Variants in GRK5 observed in about 807,000 individuals in gnomAD.
GRK5 encodes g protein-coupled receptor kinase GRK5.
GRK5 carries 40 observed loss-of-function variants against 78.4 expected under a neutral mutation model. The ratio of observed to expected loss-of-function variants is 0.51; its 90% CI spans 0.40 to 0.66. The LOEUF (loss-of-function observed/expected upper bound fraction) is 0.66. GRK5 is among the 30% of genes least tolerant of loss of function. The probability of loss-of-function intolerance (pLI) is 0.00; values close to 1 mark genes in which losing one functional copy is unlikely to be tolerated. For missense variants in GRK5, 598 were observed against 759.9 expected, an observed-to-expected ratio of 0.79 and a Z score of 2.50; for synonymous variants, 289 against 296.8, an observed-to-expected ratio of 0.97 and a Z score of 0.27.
Position 119,453,407 on chromosome 10 carries a change from G to A in GRK5, c.1674+131G>A, listed in dbSNP as rs1181379788. The A allele has an allele frequency of 8.7e-6, 9 of 1,038,090 alleles. No individual in the cohort carries two copies. The East Asian group carries it at 1.7e-4, about 20-fold the overall frequency. 64.3% of individuals were successfully genotyped at this position (1,038,090 alleles called of 1,614,324 possible). A position where few individuals can be genotyped will look rare whatever the true frequency, so the allele number is the denominator to read the frequency against. On this transcript the variant is annotated intron_variant, in intron 15 of 15. Transcript: ENST00000392870. Reference sequence around the variant, plus strand: ...AGTCTGGGGCAGTAGCAGCTTGGAAGGGCAACTGATTATGTCCAAGGCCCC... The same window carrying A: ...AGTCTGGGGCAGTAGCAGCTTGGAAAGGCAACTGATTATGTCCAAGGCCCC...
chr10:119,231,659 A>T (rs1848830804), intron 1 of GRK5, among the ~76,000 whole-genome samples: 1 of 150,936 alleles, frequency 6.6e-6, no homozygotes, highest in African/African-American at 2.4e-5. Context: ...GTGAGCCGAG[A>T]TCGTGCCACC....
At chr10:119,334,417 G>T in intron 2 of GRK5, 1 of 153,670 alleles carries the variant, frequency 6.5e-6, no homozygotes. Context: ...AGGGCAGACA[G>T]ACCATGAGAG....
intron 2 of GRK5, among the ~76,000 whole-genome samples, chr10:119,371,170 A>G (rs994499123): frequency 2.0e-5 from 3 of 152,184 alleles, no homozygotes; most frequent in African/African-American, 7.2e-5. Context: ...AGCAGGTTTC[A>G]GTGGGGTGGA....
intron 1 of GRK5, among the ~76,000 whole-genome samples, chr10:119,309,021 G>A (rs1482978795): frequency 6.6e-6 from 1 of 152,258 alleles, no homozygotes; most frequent in Non-Finnish European, 1.5e-5. Flanking sequence ...GGCTGGGAGG[G>A]CTGGTGCCCA....
chr10:119,444,341 G>A (rs1853101370), intron 12 of GRK5, among the ~76,000 whole-genome samples: 1 of 152,178 alleles, frequency 6.6e-6, no homozygotes, highest in Admixed American at 6.5e-5. Flanking sequence ...GGGCCAGATG[G>A]GGGGACTGGA....
At chr10:119,311,450 C>T (rs972801318) in intron 1 of GRK5, among the ~76,000 whole-genome samples, 10 of 151,346 alleles carry the variant, frequency 6.6e-5, no homozygotes, top group African/African-American at 2.4e-4. Context: ...CAGAGGGGTC[C>T]TGAGATGGGG....
At chr10:119,403,748 C>T (rs936192327) in intron 4 of GRK5, among the ~76,000 whole-genome samples, 5 of 152,094 alleles carry the variant, frequency 3.3e-5, no homozygotes, top group African/African-American at 1.2e-4. Flanking sequence ...ATCCTCCTGC[C>T]ACCGCCTCCC....
At position 119,459,523 on chromosome 10, in the gene GRK5, T is replaced by C. The variant is rs1853450331; in HGVS notation, c.*4456T>C. On this transcript the variant is annotated 3_prime_UTR_variant, in exon 16 of 16. Transcript: ENST00000392870. The stretch of plus-strand genomic sequence containing the variant: ...GTGGCTTTTGGTGTTGTTAAAATAA[T>C]AAGAATCCTTCTAGCATCCAAAGCT... The C allele has an allele frequency of 6.6e-6, 1 of 152,204 alleles. No individual in the cohort carries two copies. Among genetic ancestry groups the C allele is most frequent in the Non-Finnish European group, 1.5e-5 (1 of 68,034 alleles). The allele number at this position is 152,204 out of a possible 1,614,324, so 9.4% of individuals were successfully genotyped here.
chr10:119,407,098 C>G lies in GRK5; in HGVS notation c.339+10326C>G, dbSNP rs115396272. Among the ~76,000 whole-genome samples the G allele has an allele frequency of 5.9e-3, 905 of 152,306 alleles. 5 individuals are homozygous for G. Among genetic ancestry groups the G allele is most frequent in the African/African-American group, 0.019 (798 of 41,568 alleles). On this transcript the variant is annotated intron_variant, in intron 4 of 15. Transcript: ENST00000392870. ...CCAGCGTGCAAACAGATAAAAAGATCTGTGGTTGACAAAGCTGGGGGCTGG... is the reference window on the plus strand; with the variant it reads ...CCAGCGTGCAAACAGATAAAAAGATGTGTGGTTGACAAAGCTGGGGGCTGG...
intron 4 of GRK5, among the ~76,000 whole-genome samples, chr10:119,420,083 A>G (rs1453030289): frequency 4.6e-5 from 7 of 152,184 alleles, no homozygotes; most frequent in Non-Finnish European, 1.0e-4. Context: ...TCAGGCACTT[A>G]CTGGCTGAGT....
At chr10:119,383,785 G>A (rs546438211) in intron 3 of GRK5, among the ~76,000 whole-genome samples, 1 of 152,122 alleles carries the variant, frequency 6.6e-6, no homozygotes, top group African/African-American at 2.4e-5. Flanking sequence ...CTGATATGAC[G>A]CAGGGTTCTG....
At chr10:119,304,818 G>A (rs899554526) in intron 1 of GRK5, among the ~76,000 whole-genome samples, 3 of 152,344 alleles carry the variant, frequency 2.0e-5, no homozygotes, top group South Asian at 4.1e-4. Context: ...CCCTGTGCAC[G>A]CAGATGCGGA....
At chr10:119,437,505 A>G (rs1050454553) in intron 9 of GRK5, among the ~76,000 whole-genome samples, 3 of 152,194 alleles carry the variant, frequency 2.0e-5, no homozygotes, top group African/African-American at 7.2e-5. Flanking sequence ...AAATAGTGGC[A>G]ATTTTTGATA....
intron 1 of GRK5, among the ~76,000 whole-genome samples, chr10:119,295,632 G>A (rs993116530): frequency 8.6e-4 from 131 of 152,224 alleles, no homozygotes; most frequent in African/African-American, 3.1e-3. Context: ...CCATAAAAAG[G>A]CATGAATTAA....
chr10:119,218,676 C>T (rs1021851613), intron 1 of GRK5, among the ~76,000 whole-genome samples: 5 of 152,140 alleles, frequency 3.3e-5, no homozygotes, highest in East Asian at 3.9e-4. Context: ...ATTGGACCAT[C>T]GACTTGAATA....
At chr10:119,328,233 G>A (rs1318580071) in intron 2 of GRK5, among the ~76,000 whole-genome samples, 1 of 152,210 alleles carries the variant, frequency 6.6e-6, no homozygotes, top group African/African-American at 2.4e-5. Flanking sequence ...GGAGGCAGTC[G>A]AGGTCGGGTG....
chr10:119,281,098 G>A (rs551460401), intron 1 of GRK5, among the ~76,000 whole-genome samples: 56 of 151,452 alleles, frequency 3.7e-4, no homozygotes, highest in African/African-American at 1.3e-3. Flanking sequence ...TTTCTGCAGG[G>A]TAAAGCCTCA....
At chr10:119,418,300 G>T (rs183148332) in intron 4 of GRK5, among the ~76,000 whole-genome samples, 1 of 152,318 alleles carries the variant, frequency 6.6e-6, no homozygotes, top group Admixed American at 6.5e-5. Flanking sequence ...TCCCTCCCCA[G>T]CTTCAGGGGG....
At chr10:119,288,246 A>G (rs1429677311) in intron 1 of GRK5, among the ~76,000 whole-genome samples, 1 of 152,176 alleles carries the variant, frequency 6.6e-6, no homozygotes, top group Non-Finnish European at 1.5e-5. Flanking sequence ...CCGTCGACAC[A>G]CATCAGTACC....
Sources: gnomAD v4.1 joint callset for allele counts (sites outside exome capture counted in the v4.1 genomes callset) on GRCh38, gnomAD v4.1.1 for gene constraint, MANE v1.5 for transcripts, NCBI Gene and HGNC (gene_info 2026-07-23, HGNC 2026-07-21) for gene names.